ILRUN: variants seen among roughly 807,000 people sequenced by gnomAD.
ILRUN encodes protein ILRUN.
In ILRUN, 3 loss-of-function variants were observed where a neutral mutation model predicts 33.8. The observed-to-expected ratio is 0.09, with a 90% CI of 0.04 to 0.23. The LOEUF is 0.23. Ranked by LOEUF, ILRUN falls within the 10% of genes least tolerant of loss-of-function variation. ILRUN has a pLI of 1.00. For missense variants in ILRUN, 210 were observed against 375.1 expected (o/e 0.56, Z 3.64); for synonymous variants, 124 against 138.9 (o/e 0.89, Z 0.75).
chr6:34,618,284 CAGT>C (rs2127336380), intron 3 of ILRUN, among the ~76,000 whole-genome samples: 1 of 152,338 alleles, frequency 6.6e-6, no homozygotes, highest in African/African-American at 2.4e-5. Flanking sequence ...CATGCAGCAG[CAGT>C]AAAATGTCCT....
intron 1 of ILRUN, among the ~76,000 whole-genome samples, chr6:34,673,600 T>C (rs1015811298): frequency 4.6e-5 from 7 of 152,148 alleles, no homozygotes; most frequent in Admixed American, 4.6e-4. Flanking sequence ...GACACATGCC[T>C]GTAATGCCAG....
At chr6:34,656,069 T>TA (rs936512406) in intron 1 of ILRUN, among the ~76,000 whole-genome samples, 1 of 151,680 alleles carries the variant, frequency 6.6e-6, no homozygotes, top group African/African-American at 2.4e-5. Context: ...CCGTCTCTAC[T>TA]AAAAAAAGTA....
At chr6:34,614,503 T>TATATA (rs1554183836) in intron 3 of ILRUN, among the ~76,000 whole-genome samples, 32 of 141,936 alleles carry the variant, frequency 2.3e-4, no homozygotes, top group Admixed American at 7.8e-4. Flanking sequence ...ATATTATATT[T>TATATA]TATATATATA....
chr6:34,644,855 T>C (rs1196641069), intron 3 of ILRUN, among the ~76,000 whole-genome samples: 2 of 151,812 alleles, frequency 1.3e-5, no homozygotes, highest in African/African-American at 2.4e-5. Context: ...TTTCAGGCAA[T>C]GAGACAAATG....
intron 1 of ILRUN, among the ~76,000 whole-genome samples, chr6:34,683,142 A>G (rs1763408724): frequency 6.9e-6 from 1 of 145,724 alleles, no homozygotes; most frequent in African/African-American, 2.6e-5. Flanking sequence ...ACACACACAC[A>G]CATATAAATA....
chr6:34,597,630 A>G (rs1761428708), intron 4 of ILRUN, among the ~76,000 whole-genome samples: 1 of 152,228 alleles, frequency 6.6e-6, no homozygotes, highest in African/African-American at 2.4e-5. Context: ...AAGGGAAGAC[A>G]GTAAGTTGTC....
chr6:34,613,037 C>T (rs1252218544), intron 3 of ILRUN, among the ~76,000 whole-genome samples: 1 of 148,160 alleles, frequency 6.7e-6, no homozygotes, highest in Non-Finnish European at 1.5e-5. Context: ...TGCGAGACTC[C>T]GTCTCAAGGA....
In ILRUN at chr6:34,655,632, T is replaced by C. The variant is rs115145903; in HGVS notation, c.159-853A>G. Among the ~76,000 whole-genome samples, 1,313 of 152,316 alleles carry C rather than the reference T, an allele frequency of 8.6e-3. 9 individuals are homozygous for C. Among genetic ancestry groups the C allele is most frequent in the Middle Eastern group, 0.024 (7 of 294 alleles). On this transcript the variant is annotated intron_variant, in intron 1 of 4. Transcript: ENST00000374023. ...GACTTTTGAGTTTGTTTCCAGTCAT[T>C]AACTCTTCCACAAATAAGCTTAAGC...
Position 34,648,712 on chromosome 6 carries a change from G to A in ILRUN, c.314-1914C>T, listed in dbSNP as rs953175697. On this transcript the variant is annotated intron_variant, in intron 2 of 4. Transcript: ENST00000374023. ...GTCAGTCTCCTTAAAGACCAAAATC[G>A]AAAAGAAAAATTATACTACTATCAT... Among the ~76,000 whole-genome samples the A allele has an allele frequency of 3.3e-5, 5 of 152,056 alleles. No individual in the cohort carries two copies. In the South Asian group the frequency reaches 8.3e-4, roughly 25 times the overall value.
chr6:34,620,346 A>C (rs2127339099), intron 3 of ILRUN, among the ~76,000 whole-genome samples: 1 of 152,316 alleles, frequency 6.6e-6, no homozygotes. Context: ...TTATTAATGC[A>C]AAAGTACTTA....
chr6:34,648,196 G>A (rs1171036124), intron 2 of ILRUN, among the ~76,000 whole-genome samples: 1 of 151,808 alleles, frequency 6.6e-6, no homozygotes, highest in East Asian at 1.9e-4. Context: ...TCTTTTTTTG[G>A]AATATATACA....
At chr6:34,665,292 C>CAGA (rs1762970683) in intron 1 of ILRUN, among the ~76,000 whole-genome samples, 1 of 76,454 alleles carries the variant, frequency 1.3e-5, no homozygotes, top group African/African-American at 4.5e-5. Flanking sequence ...CCCTTTTCTA[C>CAGA]AAAAAAAAAA....
At chr6:34,634,363 T>C (rs1762311363) in intron 3 of ILRUN, among the ~76,000 whole-genome samples, 1 of 152,138 alleles carries the variant, frequency 6.6e-6, no homozygotes, top group Non-Finnish European at 1.5e-5. Flanking sequence ...GGAAAATTTA[T>C]AGTACTAAAC....
chr6:34,682,661 T>C (rs1292492578), intron 1 of ILRUN, among the ~76,000 whole-genome samples: 1 of 151,634 alleles, frequency 6.6e-6, no homozygotes, highest in Non-Finnish European at 1.5e-5. Context: ...TTTTGTAGAG[T>C]TGGGGTCTCC....
intron 1 of ILRUN, among the ~76,000 whole-genome samples, chr6:34,669,616 A>G (rs1763075695): frequency 6.6e-6 from 1 of 152,208 alleles, no homozygotes; most frequent in South Asian, 2.1e-4. Context: ...AATTACATGA[A>G]TAATTGTGTG....
chr6:34,657,563 G>C (rs1054749181), intron 1 of ILRUN, among the ~76,000 whole-genome samples: 2 of 152,210 alleles, frequency 1.3e-5, no homozygotes, highest in African/African-American at 4.8e-5. Flanking sequence ...ACTGAAAGCA[G>C]CGAACTGGAA....
At chr6:34,691,948 T>C (rs541480976) in intron 1 of ILRUN, among the ~76,000 whole-genome samples, 1 of 152,318 alleles carries the variant, frequency 6.6e-6, no homozygotes, top group African/African-American at 2.4e-5. Flanking sequence ...AAGCATAACC[T>C]TTCCAACTCA....
At chr6:34,676,896 C>G (rs1279181636) in intron 1 of ILRUN, among the ~76,000 whole-genome samples, 3 of 151,416 alleles carry the variant, frequency 2.0e-5, no homozygotes, top group Non-Finnish European at 4.4e-5. Flanking sequence ...TGGGGGCAAT[C>G]TGGCAATGTT....
intron 3 of ILRUN, among the ~76,000 whole-genome samples, chr6:34,639,293 G>C (rs1762424308): frequency 6.6e-6 from 1 of 152,132 alleles, no homozygotes; most frequent in Non-Finnish European, 1.5e-5. Context: ...TATTTAACAA[G>C]AACTACTTCA....
Sources: allele counts gnomAD v4.1 joint callset (sites outside exome capture counted in the v4.1 genomes callset), GRCh38; gene constraint gnomAD v4.1.1; transcripts MANE v1.5; gene names NCBI Gene and HGNC (gene_info 2026-07-23, HGNC 2026-07-21).